Variants in TIMD4 observed in about 807,000 individuals in gnomAD.
TIMD4 encodes the protein T cell immunoglobulin and mucin domain containing 4, also known as T-cell immunoglobulin and mucin domain-containing protein 4.
Under a neutral mutation model 41.2 loss-of-function variants are expected in TIMD4, and 31 were observed. The ratio of observed to expected loss-of-function variants is 0.75; its 90% confidence interval spans 0.57 to 1.01. The LOEUF is 1.01. Among genes scored for constraint, TIMD4 ranks in the 50% least tolerant of loss-of-function variants. TIMD4 has a pLI of 0.00. For missense variants in TIMD4, 479 were observed against 472.5 expected, an observed-to-expected ratio of 1.01 and a Z score of -0.13; for synonymous variants, 204 against 177.1, an observed-to-expected ratio of 1.15 and a Z score of -1.21.
At chr5:156,962,694 G>A (rs958187296) in intron 1 of TIMD4, among the ~76,000 whole-genome samples, 5 of 152,090 alleles carry the variant, frequency 3.3e-5, no homozygotes, top group Admixed American at 6.6e-5. Context: ...ACAACGTGCA[G>A]AAAAGAAACC....
intron 5 of TIMD4, among the ~76,000 whole-genome samples, chr5:156,936,889 G>A (rs961625529): frequency 4.1e-5 from 6 of 146,300 alleles, no homozygotes; most frequent in African/African-American, 1.0e-4. Context: ...CCGAGATGGC[G>A]CCCTTGCCCT....
intron 5 of TIMD4, among the ~76,000 whole-genome samples, chr5:156,944,924 A>C (rs1383669311): frequency 6.6e-6 from 1 of 152,194 alleles, no homozygotes; most frequent in Non-Finnish European, 1.5e-5. Context: ...GAGGCAAGAA[A>C]TTGCTACCCT....
chr5:156,959,352 T>A (rs2113398932), intron 1 of TIMD4, among the ~76,000 whole-genome samples: 1 of 152,266 alleles, frequency 6.6e-6, no homozygotes, highest in South Asian at 2.1e-4. Flanking sequence ...AATACTCACC[T>A]CAGAAATGGT....
At chr5:156,938,070 C>G (rs1018395324) in intron 5 of TIMD4, among the ~76,000 whole-genome samples, 4 of 152,172 alleles carry the variant, frequency 2.6e-5, no homozygotes, top group Admixed American at 2.6e-4. Context: ...TGCCCTTGAT[C>G]AGCGAAAGGC....
chr5:156,946,063 G>C (rs924260106), intron 5 of TIMD4, among the ~76,000 whole-genome samples: 1 of 152,196 alleles, frequency 6.6e-6, no homozygotes, highest in African/African-American at 2.4e-5. Context: ...TCAAGGAGGA[G>C]AGAAATGAAA....
chr5:156,949,667 G>T lies in TIMD4; in HGVS notation c.744C>A (p.Val248=). ...SSVESTSADT[V]LLTSKESKVW... is the part of the protein sequence containing the mutation. ...TCTGCACACCTTTGGATGTCAGCAG[G>T]ACAGTGTCAGCAGAAGTAGACTCAA... Residue 248 remains valine, a synonymous_variant, in exon 4 of 9, where the codon GTC becomes GTA. Transcript: ENST00000274532. The T allele has an allele frequency of 6.2e-7, 1 of 1,612,818 alleles. No homozygotes were observed. Among genetic ancestry groups the T allele is most frequent in the Non-Finnish European group, 8.5e-7 (1 of 1,178,866 alleles).
chr5:156,929,194 G>C (rs915414609), intron 5 of TIMD4, among the ~76,000 whole-genome samples: 5 of 152,140 alleles, frequency 3.3e-5, no homozygotes, highest in African/African-American at 9.7e-5. Flanking sequence ...AGGGGATGGG[G>C]TTAGACAAGG....
At chr5:156,921,196 C>T (rs949332057) in intron 7 of TIMD4, among the ~76,000 whole-genome samples, 9 of 152,080 alleles carry the variant, frequency 5.9e-5, no homozygotes, top group African/African-American at 1.7e-4. Context: ...AACTACAGAC[C>T]TTGTCCCCTG....
intron 5 of TIMD4, among the ~76,000 whole-genome samples, chr5:156,944,517 T>G (rs1759703455): frequency 1.4e-5 from 2 of 144,098 alleles, no homozygotes; most frequent in Admixed American, 6.9e-5. Context: ...TTTTTTTTTT[T>G]TTTTTGAGAC....
In TIMD4 at chr5:156,954,709, C is replaced by G; in HGVS notation, c.106G>C (p.Val36Leu). ...TVVTEVLGHR[V>L]TLPCLYSSWS... Reference sequence around the variant, plus strand: ...GATGAGTACAGACAGGGCAAAGTCACCCGGTGACCCAAAACCTCCGTCACA... The same window carrying G: ...GATGAGTACAGACAGGGCAAAGTCAGCCGGTGACCCAAAACCTCCGTCACA... The change falls in exon 2 of 9, where the codon GTG becomes CTG. Residue 36 changes from valine to leucine, a missense_variant. By Grantham distance (32) the Val-to-Leu change is conservative. Transcript: ENST00000274532. 1 of 1,613,872 alleles carries G rather than the reference C, an allele frequency of 6.2e-7. No individual in the cohort carries two copies. The highest frequency in any genetic ancestry group is 8.5e-7 in the Non-Finnish European group (1 of 1,179,828).
chr5:156,929,567 G>A (rs529277930), intron 5 of TIMD4, among the ~76,000 whole-genome samples: 8 of 142,898 alleles, frequency 5.6e-5, no homozygotes, highest in South Asian at 4.1e-4. Flanking sequence ...ATGTGAAGAC[G>A]AGAGAGATGG....
At chr5:156,936,759 T>C (rs1163694778) in intron 5 of TIMD4, among the ~76,000 whole-genome samples, 1 of 140,826 alleles carries the variant, frequency 7.1e-6, no homozygotes, top group East Asian at 2.0e-4. Flanking sequence ...TCTACAAAAG[T>C]ACAAAAAAAA....
chr5:156,943,338 G>A (rs536650746), intron 5 of TIMD4, among the ~76,000 whole-genome samples: 15 of 152,194 alleles, frequency 9.9e-5, no homozygotes, highest in East Asian at 3.9e-4. Context: ...AAGTACTACC[G>A]TTATCCCCAT....
At chr5:156,945,003 C>T (rs1421475923) in intron 5 of TIMD4, among the ~76,000 whole-genome samples, 2 of 152,160 alleles carry the variant, frequency 1.3e-5, no homozygotes, top group Non-Finnish European at 2.9e-5. Flanking sequence ...AGCCCACAAC[C>T]ACAGAAGCTT....
At chr5:156,953,310 C>A (rs1407062875) in intron 2 of TIMD4, among the ~76,000 whole-genome samples, 1 of 152,098 alleles carries the variant, frequency 6.6e-6, no homozygotes, top group Non-Finnish European at 1.5e-5. Flanking sequence ...AAATTAGAAG[C>A]ATTTACATCA....
intron 1 of TIMD4, among the ~76,000 whole-genome samples, chr5:156,958,144 C>T (rs1456012347): frequency 9.3e-5 from 14 of 151,216 alleles, no homozygotes; most frequent in Admixed American, 3.3e-4. Flanking sequence ...TGGTTGTGGG[C>T]GCCTGTAATC....
rs765507607 is a variant in TIMD4 at position 156,919,530 on chromosome 5, A to G, written c.1064T>C (p.Ile355Thr). 19 of 1,613,794 alleles carry G rather than the reference A, an allele frequency of 1.2e-5. No individual in the cohort carries two copies. Among genetic ancestry groups the G allele is most frequent in the South Asian group, 2.2e-5 (2 of 91,078 alleles). ...ATTGAGGACATTTTTACTATCTCCA[A>G]TGTAGTCTAGCCTGTAAACAGAAAA... ...CSQKHTRLDY[I>T]GDSKNVLNDV... The change falls in exon 9 of 9, where the codon ATT (isoleucine) becomes ACT (threonine). Residue 355 changes from isoleucine to threonine, a missense_variant. Transcript: ENST00000274532.
chr5:156,928,823 A>G (rs1759396237), intron 5 of TIMD4, among the ~76,000 whole-genome samples: 1 of 152,216 alleles, frequency 6.6e-6, no homozygotes, highest in Admixed American at 6.5e-5. Context: ...TGAAAATTGC[A>G]GGTAAGAATT....
chr5:156,922,892 A>T (rs550111640), intron 6 of TIMD4, among the ~76,000 whole-genome samples: 10 of 152,248 alleles, frequency 6.6e-5, no homozygotes, highest in African/African-American at 1.9e-4. Context: ...TCTCACTAAT[A>T]TTTTTTCAAA....
Sources: allele counts gnomAD v4.1 joint callset (sites outside exome capture counted in the v4.1 genomes callset), GRCh38; gene constraint gnomAD v4.1.1; transcripts MANE v1.5; gene names NCBI Gene and HGNC (gene_info 2026-07-23, HGNC 2026-07-21).